CFAP74: variants seen among roughly 807,000 people sequenced by gnomAD.
The protein encoded by CFAP74 is cilia and flagella associated protein 74.
A neutral mutation model predicts 188.9 loss-of-function variants in CFAP74; 124 were observed. The ratio of observed to expected loss-of-function variants is 0.66; its 90% CI spans 0.57 to 0.76. The LOEUF (loss-of-function observed/expected upper bound fraction) is 0.76. CFAP74 is among the 30% of genes least tolerant of loss of function. The pLI is 0.00. For missense variants in CFAP74, 2,198 were observed against 2,165.2 expected, an observed-to-expected ratio of 1.02 and a Z score of -0.30; for synonymous variants, 956 against 916.7, an observed-to-expected ratio of 1.04 and a Z score of -0.77.
intron 10 of CFAP74, among the ~76,000 whole-genome samples, chr1:1,969,882 G>A (rs1238154065): frequency 6.6e-6 from 1 of 152,274 alleles, no homozygotes; most frequent in Non-Finnish European, 1.5e-5. Context: ...GCCGTGGACA[G>A]GGAGACTGGG....
At chr1:1,955,366 C>T in intron 18 of CFAP74, 1 of 1,346,362 alleles carries the variant, frequency 7.4e-7, no homozygotes, top group Non-Finnish European at 9.7e-7. Context: ...GACAGAAGCC[C>T]CCCGCAGCCC....
intron 1 of CFAP74, among the ~76,000 whole-genome samples, chr1:2,001,605 C>T (rs531723417): frequency 2.0e-5 from 3 of 152,294 alleles, no homozygotes; most frequent in South Asian, 2.1e-4. Context: ...GGATTACAGG[C>T]GTGAGCCACT....
At chr1:1,985,961 A>C (rs1189481940) in intron 5 of CFAP74, among the ~76,000 whole-genome samples, 2 of 152,176 alleles carry the variant, frequency 1.3e-5, no homozygotes, top group Non-Finnish European at 2.9e-5. Context: ...TGCCCACGAG[A>C]GCGGCACAGT....
chr1:1,992,459 C>A (rs1387253800), intron 1 of CFAP74, among the ~76,000 whole-genome samples: 21 of 151,524 alleles, frequency 1.4e-4, no homozygotes. Context: ...TGAGCCACTA[C>A]ATCTGGCACC....
Position 1,968,384 on chromosome 1 carries a change from G to A in CFAP74, c.1245+251C>T, listed in dbSNP as rs1402544790. On this transcript the variant is annotated intron_variant, in intron 11 of 38. Transcript: ENST00000682832. The surrounding 1 kb of genome is among the most constrained non-coding windows in gnomAD (Gnocchi z 4.3). ...TGACGCAGGGTCTGGTGGGCACACC[G>A]AGACCAGGAGGACACTGGACCCTTG... is the stretch of plus-strand genomic sequence containing the variant. 2.0e-5 allele frequency among the ~76,000 whole-genome samples: 3 copies of A among 152,110 alleles called. No homozygotes were observed. Among genetic ancestry groups the A allele is most frequent in the Non-Finnish European group, 4.4e-5 (3 of 68,006 alleles).
intron 14 of CFAP74, among the ~76,000 whole-genome samples, chr1:1,961,257 G>T (rs1280751404): frequency 6.6e-6 from 1 of 152,152 alleles, no homozygotes; most frequent in Non-Finnish European, 1.5e-5. Context: ...GGGCTGAGAA[G>T]TTCCCAAAAT....
chr1:1,989,513 T>C (rs554221950), intron 2 of CFAP74, among the ~76,000 whole-genome samples: 9 of 152,234 alleles, frequency 5.9e-5, no homozygotes, highest in African/African-American at 2.2e-4. Context: ...CAGGCTGGAG[T>C]GCGGTGGCGT....
In CFAP74 at chr1:1,923,463, A is replaced by G; in HGVS notation, c.4426T>C (p.Cys1476Arg). 1.2e-6 allele frequency: 2 copies of G among 1,611,878 alleles called. No individual in the cohort carries two copies. The highest frequency in any genetic ancestry group is 1.1e-5 in the South Asian group (1 of 90,946). Residue 1476 changes from cysteine to arginine, a missense_variant, in exon 36 of 39, where the codon TGT becomes CGT. Cys to Arg is a radical substitution (Grantham distance 180, BLOSUM62 -3). Coordinates refer to ENST00000682832, the MANE Select transcript of CFAP74 (RefSeq NM_001304360.2). This position sits in a 1 kb window ranked among gnomAD's most constrained non-coding sequence, Gnocchi z 6.3. The stretch of plus-strand genomic sequence containing the variant: ...CCCTCCACGAACATCATGTGCTGAC[A>G]GGCGGCACCCTTCAGCAGGATCTGG... The part of the protein sequence containing the change: ...SHQILLKGAA[C>R]QHMMFVEGGD...
At chr1:1,924,582 G>A (rs923468878) in intron 33 of CFAP74, 62 bp from the exon 34 acceptor site, 18 of 1,541,892 alleles carry the variant, frequency 1.2e-5, no homozygotes, top group Middle Eastern at 1.8e-4. Context: ...CCTTCCTGTC[G>A]TCGGTGCCCA....
intron 9 of CFAP74, among the ~76,000 whole-genome samples, chr1:1,971,061 A>T (rs928038719): frequency 7.0e-6 from 1 of 142,550 alleles, no homozygotes; most frequent in Non-Finnish European, 1.5e-5. Flanking sequence ...ACACATGCTC[A>T]CACACGCACA....
At chr1:1,985,741 C>G (rs904047632) in intron 5 of CFAP74, among the ~76,000 whole-genome samples, 1 of 152,248 alleles carries the variant, frequency 6.6e-6, no homozygotes, top group African/African-American at 2.4e-5. Context: ...CCCTCAGTGG[C>G]CCCTGCATGA....
chr1:1,999,690 G>A (rs1382705465), intron 1 of CFAP74, among the ~76,000 whole-genome samples: 1 of 151,750 alleles, frequency 6.6e-6, no homozygotes, highest in Non-Finnish European at 1.5e-5. Flanking sequence ...GGTGGCGTGC[G>A]GCTGTAACCC....
rs750041329 is a variant in CFAP74 at position 1,922,317 on chromosome 1, G to A, written c.4890C>T (p.Ile1630=). Residue 1630 remains isoleucine (I), a synonymous_variant, in exon 39 of 39, where the codon ATC becomes ATT. Transcript: ENST00000682832. The stretch of plus-strand genomic sequence containing the variant: ...GGCCAGTCAACACCTGGGCTACAAA[G>A]ATGACCTTGTAGGTCTCCTTCACAT... ...RGDVKETYKV[I]FVAQVLTGP 3 of 1,607,176 alleles carry A rather than the reference G, an allele frequency of 1.9e-6. No individual in the cohort carries two copies. Among genetic ancestry groups the A allele is most frequent in the South Asian group, 2.2e-5 (2 of 90,312 alleles).
At chr1:1,946,945 G>C (rs561003924) in intron 19 of CFAP74, 45 bp downstream of exon 19, 877 of 1,426,882 alleles carry the variant, frequency 6.1e-4, no homozygotes, top group Non-Finnish European at 7.5e-4. Flanking sequence ...AAGGTGGGCG[G>C]TGTCTTGGAT....
rs770187770 is a variant in CFAP74 at position 1,985,410 on chromosome 1, G to A, written c.476C>T (p.Thr159Ile). Residue 159 changes from threonine to isoleucine, a missense_variant, in exon 6 of 39, where the codon ACT becomes ATT. Transcript: ENST00000682832. ...LENERDLQSR[T>I]EAVLKESENT... Reference sequence around the variant, plus strand: ...CTCGCTCTCCTTCAGCACGGCCTCAGTCCTCGACTGCAGGTCTCTCTCGTT... The same window carrying A: ...CTCGCTCTCCTTCAGCACGGCCTCAATCCTCGACTGCAGGTCTCTCTCGTT... The A allele has an allele frequency of 6.2e-7, 1 of 1,614,106 alleles. No individual in the cohort carries two copies. Among genetic ancestry groups the A allele is most frequent in the South Asian group, 1.1e-5 (1 of 91,092 alleles).
intron 25 of CFAP74, among the ~76,000 whole-genome samples, chr1:1,934,579 G>A (rs1422750162): frequency 6.6e-6 from 1 of 151,228 alleles, no homozygotes; most frequent in African/African-American, 2.4e-5. Context: ...GTACGTGGGT[G>A]TTAGGTTATA....
intron 22 of CFAP74, among the ~76,000 whole-genome samples, chr1:1,941,126 A>G (rs1653344057): frequency 6.6e-6 from 1 of 151,152 alleles, no homozygotes; most frequent in African/African-American, 2.4e-5. Flanking sequence ...AAAGAAAGAA[A>G]GAAAGAAAGA....
Position 1,968,961 on chromosome 1 carries a change from G to C in CFAP74, c.1047-128C>G. On this transcript the variant is annotated intron_variant, in intron 10 of 38. Transcript: ENST00000682832. The surrounding 1 kb of genome is among the most constrained non-coding windows in gnomAD (Gnocchi z 4.3). ...GCTCCGGTCCTGCCCAGCAGCCCCA[G>C]GTGAGACAGCGCCTGGCGGCCCCTC... is the stretch of plus-strand genomic sequence containing the variant. The C allele has an allele frequency of 6.5e-6, 3 of 464,014 alleles. No homozygotes were observed. In the South Asian group the frequency reaches 7.1e-5, roughly 11 times the overall value. 28.7% of individuals were successfully genotyped at this position (464,014 alleles called of 1,614,324 possible). A position where few individuals can be genotyped will look rare whatever the true frequency, so the allele number is the denominator to read the frequency against.
intron 1 of CFAP74, among the ~76,000 whole-genome samples, chr1:2,003,189 A>T (rs576507048): frequency 6.6e-6 from 1 of 152,196 alleles, no homozygotes; most frequent in Admixed American, 6.5e-5. Flanking sequence ...TATGCAGAGA[A>T]TATCAGTCCA....
Sources: gnomAD v4.1 joint callset for allele counts (sites outside exome capture counted in the v4.1 genomes callset) on GRCh38, gnomAD v4.1.1 for gene constraint, Gnocchi (gnomAD v3.1) non-coding constraint, MANE v1.5 for transcripts, NCBI Gene and HGNC (gene_info 2026-07-23, HGNC 2026-07-21) for gene names.